FRMD4A: variants seen among roughly 807,000 people sequenced by gnomAD.
FRMD4A encodes the protein FERM domain-containing protein 4A.
Under a neutral mutation model 129.1 loss-of-function variants are expected in FRMD4A, and 29 were observed. That is an observed-to-expected ratio of 0.22 (90% CI 0.17 to 0.31). The LOEUF (loss-of-function observed/expected upper bound fraction) is 0.31, where lower values mean the gene tolerates loss of function less well. Among genes scored for constraint, FRMD4A ranks in the 10% least tolerant of loss-of-function variants. The pLI is 1.00. For synonymous variants in FRMD4A, 634 were observed against 571.6 expected, an observed-to-expected ratio of 1.11 and a Z score of -1.56; for missense variants, 1,272 against 1,375.8, an observed-to-expected ratio of 0.92 and a Z score of 1.19.
At chr10:14,205,069 T>A (rs1037829752) in intron 2 of FRMD4A, among the ~76,000 whole-genome samples, 1 of 151,502 alleles carries the variant, frequency 6.6e-6, no homozygotes, top group African/African-American at 2.4e-5. Flanking sequence ...TTCTTTTTTT[T>A]TTTTTTTGCT....
At chr10:14,244,840 G>A (rs1369801911) in intron 2 of FRMD4A, among the ~76,000 whole-genome samples, 1 of 152,154 alleles carries the variant, frequency 6.6e-6, no homozygotes, top group Non-Finnish European at 1.5e-5. Context: ...TCTCTTTAAT[G>A]TTCAGGCTTA....
chr10:14,119,546 G>A (rs768139838), intron 2 of FRMD4A, among the ~76,000 whole-genome samples: 7 of 152,194 alleles, frequency 4.6e-5, no homozygotes, highest in Non-Finnish European at 1.0e-4. Context: ...GAGCAGTAGT[G>A]AGGTTATCGC....
chr10:14,226,080 C>A (rs913477946), intron 2 of FRMD4A, among the ~76,000 whole-genome samples: 1 of 152,088 alleles, frequency 6.6e-6, no homozygotes, highest in Non-Finnish European at 1.5e-5. Flanking sequence ...GTTACAGTAA[C>A]GTTCTCTCTC....
intron 2 of FRMD4A, among the ~76,000 whole-genome samples, chr10:13,882,016 T>G (rs796900993): frequency 9.8e-5 from 7 of 71,126 alleles, no homozygotes; most frequent in Non-Finnish European, 1.6e-4. Flanking sequence ...TGTGTGTGTG[T>G]GTGTGTGTGT....
rs756589528 is a variant in FRMD4A, at chr10:14,063,250, G to A, written c.46-204338C>T. Among the ~76,000 whole-genome samples, 4 of 151,756 alleles carry A rather than the reference G, an allele frequency of 2.6e-5. 1 individual carries two copies. In the South Asian group the frequency reaches 6.2e-4, roughly 24 times the overall value. On this transcript the variant is annotated intron_variant, in intron 2 of 24. Transcript: ENST00000357447. ...GACTCCCAGAAGTTATGTTTAGTGC[G>A]TGTTCGGTTCCAGCTTGAATGACTC...
chr10:13,724,116 C>T (rs1295513102), intron 12 of FRMD4A, among the ~76,000 whole-genome samples: 1 of 152,124 alleles, frequency 6.6e-6, no homozygotes, highest in Non-Finnish European at 1.5e-5. Flanking sequence ...CAGCCGGGCG[C>T]GGTGGCTCAG....
rs1589258599 is a variant in FRMD4A, at chr10:14,279,426, T to A, written c.45+50632A>T. 2.6e-5 allele frequency among the ~76,000 whole-genome samples: 4 copies of A among 152,264 alleles called. No individual in the cohort carries two copies. The Middle Eastern group carries it at 0.014, about 518-fold the overall frequency. ...GTTGGCCAGGCTGGTCTCAAACTTC[T>A]GACCGCAAGTGATCCACCCACCTCG... On this transcript the variant is annotated intron_variant, in intron 2 of 24. Transcript: ENST00000357447.
At chr10:13,879,765 C>T (rs2094526830) in intron 2 of FRMD4A, among the ~76,000 whole-genome samples, 1 of 131,528 alleles carries the variant, frequency 7.6e-6, no homozygotes, top group African/African-American at 2.9e-5. Flanking sequence ...CCCCCTCCCC[C>T]TCCTTCCCCT....
intron 3 of FRMD4A, among the ~76,000 whole-genome samples, chr10:13,848,609 CGTGTGTGTGTGTGTGTGT>C (rs59271113): frequency 8.1e-6 from 1 of 124,018 alleles, no homozygotes; most frequent in Non-Finnish European, 1.8e-5. Context: ...TGTGTGTGTA[CGTGTGTGTGTGTGTGTGT>C]GTGTGTGTGT....
chr10:13,742,817 C>T (rs1367471918), intron 9 of FRMD4A, among the ~76,000 whole-genome samples: 1 of 151,962 alleles, frequency 6.6e-6, no homozygotes, highest in Non-Finnish European at 1.5e-5. Flanking sequence ...ATACCCGGCC[C>T]TATTATCTAT....
intron 2 of FRMD4A, among the ~76,000 whole-genome samples, chr10:13,904,414 C>T (rs2094857152): frequency 6.6e-6 from 1 of 152,182 alleles, no homozygotes; most frequent in Admixed American, 6.5e-5. Flanking sequence ...CCCCGAGGTT[C>T]CCCTCTCCCA....
intron 2 of FRMD4A, among the ~76,000 whole-genome samples, chr10:14,192,315 T>C (rs1842343204): frequency 2.0e-5 from 3 of 152,266 alleles, no homozygotes; most frequent in Non-Finnish European, 2.9e-5. Flanking sequence ...CACACCTGTT[T>C]TGCTTATCTT....
chr10:14,100,728 A>G (rs1400011135), intron 2 of FRMD4A, among the ~76,000 whole-genome samples: 1 of 152,048 alleles, frequency 6.6e-6, no homozygotes, highest in Non-Finnish European at 1.5e-5. Context: ...TATATTTCTG[A>G]TTGATAGGAT....
Position 13,958,281 on chromosome 10 carries a change from G to GTTT in FRMD4A, c.46-99372_46-99370dup, listed in dbSNP as rs35369777. 6.5e-3 allele frequency among the ~76,000 whole-genome samples: 678 copies of GTTT among 104,608 alleles called. 50 individuals are homozygous for GTTT. The highest frequency in any genetic ancestry group is 0.021 in the African/African-American group (562 of 26,616). 68.6% of individuals were successfully genotyped at this position (104,608 alleles called of 152,430 possible). On this transcript the variant is annotated intron_variant, in intron 2 of 24. Transcript: ENST00000357447. ...CGCGTGAACAACAGCCATGACCATTGTTTTTTTTTTTTTTTTTTTTGGAGA... is the reference window on the plus strand; with the variant it reads ...CGCGTGAACAACAGCCATGACCATTGTTTTTTTTTTTTTTTTTTTTTTTGGAGA...
chr10:13,963,939 T>G (rs2095464987), intron 2 of FRMD4A, among the ~76,000 whole-genome samples: 2 of 152,142 alleles, frequency 1.3e-5, no homozygotes, highest in Non-Finnish European at 2.9e-5. Flanking sequence ...TTCTAGCCAC[T>G]GGTCCATATT....
At chr10:14,280,891 C>G (rs1485838259) in intron 2 of FRMD4A, among the ~76,000 whole-genome samples, 1 of 151,102 alleles carries the variant, frequency 6.6e-6, no homozygotes, top group Non-Finnish European at 1.5e-5. Flanking sequence ...CCCCTGTACT[C>G]ACAATGTGGC....
intron 2 of FRMD4A, among the ~76,000 whole-genome samples, chr10:14,052,993 C>T (rs184047715): frequency 6.6e-6 from 1 of 152,030 alleles, no homozygotes; most frequent in East Asian, 1.9e-4. Flanking sequence ...CTCACCAGTC[C>T]CCATCTCCAA....
At chr10:13,944,455 T>C (rs1048613036) in intron 2 of FRMD4A, among the ~76,000 whole-genome samples, 3 of 152,136 alleles carry the variant, frequency 2.0e-5, no homozygotes, top group African/African-American at 4.8e-5. Context: ...TGTTGAGTTG[T>C]AGAATTATTT....
At chr10:13,734,435 C>T (rs2090504534) in intron 12 of FRMD4A, among the ~76,000 whole-genome samples, 1 of 152,238 alleles carries the variant, frequency 6.6e-6, no homozygotes, top group African/African-American at 2.4e-5. Flanking sequence ...TTCAAGCCTC[C>T]AGGAGCCTGC....
Sources: gnomAD v4.1 joint callset for allele counts (sites outside exome capture counted in the v4.1 genomes callset) on GRCh38, gnomAD v4.1.1 for gene constraint, MANE v1.5 for transcripts, NCBI Gene and HGNC (gene_info 2026-07-23, HGNC 2026-07-21) for gene names.